The following PLXNA4 variants were observed in gnomAD, a reference collection of about 807,000 sequenced individuals.
PLXNA4 encodes the protein plexin A4, also known as plexin-A4.
PLXNA4 carries 44 observed loss-of-function variants against 191.8 expected under a neutral mutation model. The observed-to-expected ratio is 0.23, with a 90% confidence interval of 0.18 to 0.29. The LOEUF (loss-of-function observed/expected upper bound fraction) is 0.29, where lower values mean the gene tolerates loss of function less well. PLXNA4 is among the 10% of genes least tolerant of loss of function. The pLI, the probability that PLXNA4 is intolerant of heterozygous loss-of-function variation, is 1.00. For synonymous variants in PLXNA4, 1,082 were observed against 1,009.5 expected, an observed-to-expected ratio of 1.07 and a Z score of -1.36; for missense variants, 1,800 against 2,488.8, an observed-to-expected ratio of 0.72 and a Z score of 5.89.
chr7:132,322,818 G>C (rs1399368456), intron 3 of PLXNA4, among the ~76,000 whole-genome samples: 1 of 152,184 alleles, frequency 6.6e-6, no homozygotes, highest in Non-Finnish European at 1.5e-5. Context: ...AGATGCTCAG[G>C]AAGAAAGGGA....
intron 3 of PLXNA4, among the ~76,000 whole-genome samples, chr7:132,468,248 AAC>A (rs1274701062): frequency 1.1e-4 from 17 of 152,004 alleles, no homozygotes; most frequent in Non-Finnish European, 1.8e-4. Flanking sequence ...CATACACACA[AAC>A]ACACATACAC....
intron 3 of PLXNA4, among the ~76,000 whole-genome samples, chr7:132,365,346 T>TGG (rs1334311553): frequency 9.0e-6 from 1 of 111,370 alleles, no homozygotes; most frequent in Non-Finnish European, 1.7e-5. Context: ...TGTGTGTGTG[T>TGG]GTGTGTGTGT....
At chr7:132,610,300 T>C (rs1404125603) in intron 2 of PLXNA4, among the ~76,000 whole-genome samples, 1 of 152,024 alleles carries the variant, frequency 6.6e-6, no homozygotes, top group African/African-American at 2.4e-5. Flanking sequence ...GGCCTCAATT[T>C]CTCCACCAGA....
At chr7:132,358,579 C>T (rs1300558410) in intron 3 of PLXNA4, among the ~76,000 whole-genome samples, 1 of 152,160 alleles carries the variant, frequency 6.6e-6, no homozygotes, top group Non-Finnish European at 1.5e-5. Context: ...GGTTCCAGGC[C>T]ATTATTTACT....
chr7:132,522,199 C>T (rs1799216106), intron 1 of PLXNA4, among the ~76,000 whole-genome samples: 1 of 152,282 alleles, frequency 6.6e-6, no homozygotes, highest in Middle Eastern at 3.4e-3. Context: ...CACCTGCCAG[C>T]TCCCACTGCC....
chr7:132,341,913 CA>C (rs1310328308), intron 3 of PLXNA4, among the ~76,000 whole-genome samples: 6 of 152,048 alleles, frequency 3.9e-5, no homozygotes, highest in Non-Finnish European at 2.9e-5. Context: ...ATATAGACAG[CA>C]ACTTTACCAA....
intron 3 of PLXNA4, among the ~76,000 whole-genome samples, chr7:132,432,571 G>A (rs1249032702): frequency 2.0e-5 from 3 of 152,298 alleles, no homozygotes; most frequent in African/African-American, 7.2e-5. Flanking sequence ...ACGTGAGGGA[G>A]AGAAGGGGAG....
upstream of PLXNA4, among the ~76,000 whole-genome samples, chr7:132,580,343 C>T (rs1364243626): frequency 2.0e-5 from 3 of 152,160 alleles, no homozygotes; most frequent in Non-Finnish European, 4.4e-5. Context: ...CTGGCTCTCA[C>T]ACCTCCTCTA....
At chr7:132,444,308 G>T (rs911687699) in intron 3 of PLXNA4, among the ~76,000 whole-genome samples, 4 of 152,250 alleles carry the variant, frequency 2.6e-5, no homozygotes, top group Non-Finnish European at 5.9e-5. Context: ...AGGCTGGAGC[G>T]CAATGGCGCC....
chr7:132,285,056 C>A (rs1022180784), intron 4 of PLXNA4, among the ~76,000 whole-genome samples: 4 of 152,136 alleles, frequency 2.6e-5, no homozygotes, highest in African/African-American at 7.2e-5. Context: ...ATTCTTATAA[C>A]AATCACCAGC....
chr7:132,583,604 A>G (rs933072260), intron 2 of PLXNA4, among the ~76,000 whole-genome samples: 1 of 152,218 alleles, frequency 6.6e-6, no homozygotes, highest in East Asian at 1.9e-4. Flanking sequence ...CAAAGCAGAG[A>G]AAGAGCCGCA....
intron 3 of PLXNA4, among the ~76,000 whole-genome samples, chr7:132,388,202 G>A (rs925848603): frequency 6.6e-6 from 1 of 151,954 alleles, no homozygotes; most frequent in East Asian, 1.9e-4. Context: ...TTCCCTTTTC[G>A]GAGCACTCCC....
intron 10 of PLXNA4, among the ~76,000 whole-genome samples, chr7:132,210,722 C>A (rs903614068): frequency 2.0e-5 from 3 of 152,214 alleles, no homozygotes; most frequent in Admixed American, 1.3e-4. Flanking sequence ...AAAACATTTA[C>A]AACTAGGGCC....
intron 3 of PLXNA4, among the ~76,000 whole-genome samples, chr7:132,426,830 TGTC>T (rs1472660371): frequency 2.0e-5 from 3 of 152,178 alleles, no homozygotes; most frequent in African/African-American, 7.2e-5. Flanking sequence ...TAAATTCACA[TGTC>T]GTCTCATTAA....
At chr7:132,311,672 C>T (rs1038556462) in intron 3 of PLXNA4, among the ~76,000 whole-genome samples, 24 of 152,162 alleles carry the variant, frequency 1.6e-4, no homozygotes, top group Non-Finnish European at 3.2e-4. Context: ...CCTCCCCGTC[C>T]CACACATCTC....
chr7:132,369,804 C>T (rs1030149294), intron 3 of PLXNA4, among the ~76,000 whole-genome samples: 3 of 151,798 alleles, frequency 2.0e-5, no homozygotes, highest in African/African-American at 7.3e-5. Flanking sequence ...CGCGGTGCCT[C>T]CTGCCTGTAA....
intron 9 of PLXNA4, among the ~76,000 whole-genome samples, chr7:132,217,381 G>T (rs77132455): frequency 6.6e-6 from 1 of 152,206 alleles, no homozygotes; most frequent in Admixed American, 6.5e-5. Flanking sequence ...CCTACAGACT[G>T]GGGGGATAGG....
chr7:132,374,241 T>C (rs1804565773), intron 3 of PLXNA4, among the ~76,000 whole-genome samples: 1 of 152,196 alleles, frequency 6.6e-6, no homozygotes, highest in South Asian at 2.1e-4. Flanking sequence ...CTCCGTGGCC[T>C]TCATCCATGC....
chr7:132,372,448 G>A (rs774414111), intron 3 of PLXNA4, among the ~76,000 whole-genome samples: 8 of 152,166 alleles, frequency 5.3e-5, no homozygotes, highest in Non-Finnish European at 1.0e-4. Flanking sequence ...TAGGATTTGT[G>A]GATGACAGTC....
Sources: gnomAD v4.1 joint callset for allele counts (sites outside exome capture counted in the v4.1 genomes callset) on GRCh38, gnomAD v4.1.1 for gene constraint, MANE v1.5 for transcripts, NCBI Gene and HGNC (gene_info 2026-07-23, HGNC 2026-07-21) for gene names.